Variants in HHIP observed in about 807,000 individuals in gnomAD.
HHIP encodes hedgehog-interacting protein.
HHIP carries 12 observed loss-of-function variants against 74.0 expected under a neutral mutation model. The ratio of observed to expected loss-of-function variants is 0.16; its 90% CI spans 0.10 to 0.26. The LOEUF (loss-of-function observed/expected upper bound fraction) is 0.26. Ranked by LOEUF, HHIP falls within the 10% of genes least tolerant of loss-of-function variation. HHIP has a pLI of 1.00. For missense variants in HHIP, 788 were observed against 845.0 expected, an observed-to-expected ratio of 0.93 and a Z score of 0.84; for synonymous variants, 309 against 311.6, an observed-to-expected ratio of 0.99 and a Z score of 0.09.
intron 10 of HHIP, among the ~76,000 whole-genome samples, chr4:144,715,913 C>T (rs1730434588): frequency 6.6e-6 from 1 of 152,076 alleles, no homozygotes; most frequent in Admixed American, 6.6e-5. Flanking sequence ...GCAAGATGAT[C>T]TGAGTGCAGA....
At chr4:144,683,767 T>G (rs1054098486) in intron 4 of HHIP, among the ~76,000 whole-genome samples, 2 of 152,212 alleles carry the variant, frequency 1.3e-5, no homozygotes, top group Non-Finnish European at 2.9e-5. Context: ...ACAGCGAGGT[T>G]TGAGTAGTTG....
At chr4:144,655,538 A>G (rs1728536215) in intron 2 of HHIP, among the ~76,000 whole-genome samples, 1 of 152,198 alleles carries the variant, frequency 6.6e-6, no homozygotes, top group African/African-American at 2.4e-5. Context: ...TTCAATTGGT[A>G]TAATCCTATT....
chr4:144,665,788 T>A (rs185913709), intron 4 of HHIP, among the ~76,000 whole-genome samples: 1 of 152,234 alleles, frequency 6.6e-6, no homozygotes, highest in Non-Finnish European at 1.5e-5. Flanking sequence ...AAGCAGAAAC[T>A]GGAGTGACAG....
chr4:144,646,762 C>T lies in HHIP; in HGVS notation c.87C>T (p.Asn29=). Residue 29 remains asparagine (N), a synonymous_variant, in exon 1 of 13, where the codon AAC becomes AAT. Coordinates refer to ENST00000296575, the MANE Select transcript of HHIP (RefSeq NM_022475.3). The part of the protein sequence containing the change: ...FEGDAKFGER[N]EGSGARRRRC... ...GAGATGCTAAGTTTGGGGAAAGAAA[C>T]GAAGGGAGCGGAGCAAGGAGGAGAA... 1 of 1,614,110 alleles carries T rather than the reference C, an allele frequency of 6.2e-7. No homozygotes were observed. Among genetic ancestry groups the T allele is most frequent in the Non-Finnish European group, 8.5e-7 (1 of 1,180,014 alleles).
intron 6 of HHIP, among the ~76,000 whole-genome samples, chr4:144,707,942 C>T (rs1730192115): frequency 1.3e-5 from 2 of 152,198 alleles, no homozygotes; most frequent in Admixed American, 1.3e-4. Flanking sequence ...TGGAGTCTCG[C>T]TATGTTGCCA....
intron 2 of HHIP, among the ~76,000 whole-genome samples, chr4:144,656,159 G>A (rs1728551324): frequency 6.6e-6 from 1 of 151,898 alleles, no homozygotes; most frequent in African/African-American, 2.4e-5. Flanking sequence ...GGTCATTTAA[G>A]GTAAAGTATT....
intron 2 of HHIP, 64 bp downstream of exon 2, chr4:144,652,861 C>A: frequency 9.6e-7 from 1 of 1,043,070 alleles, no homozygotes; most frequent in South Asian, 2.0e-5. Context: ...GATACTTGTA[C>A]TTAAATGCTT....
Position 144,646,877 on chromosome 4 carries a change from C to A in HHIP, c.202C>A (p.Leu68Met), listed in dbSNP as rs202032047. 8.7e-6 allele frequency: 14 copies of A among 1,614,056 alleles called. No individual in the cohort carries two copies. Among genetic ancestry groups the A allele is most frequent in the Non-Finnish European group, 1.2e-5 (14 of 1,180,024 alleles). ...GGAGCTGCTGAGTGGGGGAGAGATG[C>A]TGTGCGGTGGCTTCTACCCTCGGCT... Reference protein sequence around the residue: ...QLELLSGGEMLCGGFYPRLSC... With the variant: ...QLELLSGGEMMCGGFYPRLSC... The change falls in exon 1 of 13, where the codon CTG (leucine) becomes ATG (methionine). Residue 68 changes from leucine to methionine, a missense_variant. Transcript: ENST00000296575.
At chr4:144,674,413 A>AT (rs776893500) in intron 4 of HHIP, among the ~76,000 whole-genome samples, 12 of 152,282 alleles carry the variant, frequency 7.9e-5, no homozygotes, top group Non-Finnish European at 1.2e-4. Flanking sequence ...CTTGCCATTT[A>AT]TTTTTTAAGT....
chr4:144,707,078 A>G lies in HHIP; in HGVS notation c.984-9A>G, dbSNP rs760702721. 2 of 1,612,636 alleles carry G rather than the reference A, an allele frequency of 1.2e-6. No individual in the cohort carries two copies. Among genetic ancestry groups the G allele is most frequent in the Non-Finnish European group, 8.5e-7 (1 of 1,178,802 alleles). On this transcript the variant is annotated splice_polypyrimidine_tract_variant and intron_variant, in intron 5 of 12. Coordinates refer to ENST00000296575, the MANE Select transcript of HHIP (RefSeq NM_022475.3). Reference sequence around the variant, plus strand: ...ACAGTCATGGTATTGTTTTCTTCCCACAATGTAGAAAAAATCCACACCAAG... The same window carrying G: ...ACAGTCATGGTATTGTTTTCTTCCCGCAATGTAGAAAAAATCCACACCAAG...
intron 11 of HHIP, among the ~76,000 whole-genome samples, chr4:144,722,366 A>T (rs1730662712): frequency 6.6e-6 from 1 of 152,174 alleles, no homozygotes; most frequent in African/African-American, 2.4e-5. Context: ...ATAGAAGATG[A>T]TATTTCTGTC....
rs1379717366 is a variant in HHIP at position 144,742,029 on chromosome 4, GTATGTGTA to G, written c.*4076_*4083del. 3 of 47,816 alleles carry G rather than the reference GTATGTGTA, an allele frequency of 6.3e-5. No homozygotes were observed. Among genetic ancestry groups the G allele is most frequent in the Non-Finnish European group, 1.2e-4 (3 of 24,236 alleles). 3.0% of individuals were successfully genotyped at this position (47,816 alleles called of 1,614,324 possible). A position where few individuals can be genotyped will look rare whatever the true frequency, so the allele number is the denominator to read the frequency against. On this transcript the variant is annotated 3_prime_UTR_variant, in exon 13 of 13. Coordinates refer to ENST00000296575, the MANE Select transcript of HHIP (RefSeq NM_022475.3). ...TCGCTCTCTCGGCTAATATATATGT[GTATGTGTA>G]TATATATATGTATGTATATATATAC...
intron 10 of HHIP, among the ~76,000 whole-genome samples, chr4:144,717,710 T>C (rs1560718400): frequency 6.6e-6 from 1 of 152,142 alleles, no homozygotes; most frequent in Non-Finnish European, 1.5e-5. Context: ...AGTTAGAGTT[T>C]AGAGAGTTGA....
chr4:144,659,901 TTCC>T, intron 4 of HHIP, 63 bp downstream of exon 4: 2 of 1,185,556 alleles, frequency 1.7e-6, no homozygotes, highest in Non-Finnish European at 2.5e-6. Context: ...TAGTGTTACC[TTCC>T]TCACTGAAGG....
chr4:144,714,190 T>C (rs200365301), intron 8 of HHIP, 35 bp from the exon 9 acceptor site: 19 of 1,584,984 alleles, frequency 1.2e-5, no homozygotes, highest in Admixed American at 5.0e-5. Context: ...TATGAAAATA[T>C]GTTTCATTTG....
At chr4:144,647,145 C>T (rs1728289514) in intron 1 of HHIP, 191 bp downstream of exon 1, 1 of 531,918 alleles carries the variant, frequency 1.9e-6, no homozygotes, top group African/African-American at 1.9e-5. Flanking sequence ...CATTTCCTCC[C>T]CCAGAGTCCG....
intron 4 of HHIP, chr4:144,660,318 T>C (rs1479397710): frequency 6.1e-6 from 1 of 163,960 alleles, no homozygotes; most frequent in Admixed American, 6.4e-5. Context: ...AATATTTCTA[T>C]AATTAGCCAC....
intron 2 of HHIP, among the ~76,000 whole-genome samples, chr4:144,657,448 A>G (rs1728586850): frequency 6.6e-6 from 1 of 152,138 alleles, no homozygotes; most frequent in Non-Finnish European, 1.5e-5. Context: ...AAAACTTTAG[A>G]TATATAATAT....
At chr4:144,660,466 T>C (rs1028851778) in intron 4 of HHIP, among the ~76,000 whole-genome samples, 4 of 152,102 alleles carry the variant, frequency 2.6e-5, no homozygotes, top group Non-Finnish European at 5.9e-5. Flanking sequence ...TACTAAACCA[T>C]AAAGCAAATT....
Sources: allele counts gnomAD v4.1 joint callset (sites outside exome capture counted in the v4.1 genomes callset), GRCh38; gene constraint gnomAD v4.1.1; transcripts MANE v1.5; gene names NCBI Gene and HGNC (gene_info 2026-07-23, HGNC 2026-07-21).